The following ULK4 variants were observed in gnomAD, a reference collection of about 807,000 sequenced individuals.
ULK4 encodes unc-51 like kinase 4, also known as inactive serine/threonine-protein kinase ULK4.
Under a neutral mutation model 160.6 loss-of-function variants are expected in ULK4, and 133 were observed. That is an observed-to-expected ratio of 0.83 (90% CI 0.72 to 0.96). ULK4 has a LOEUF of 0.96. Among genes scored for constraint, ULK4 ranks in the 40% least tolerant of loss-of-function variants. The pLI is 0.00. For synonymous variants in ULK4, 534 were observed against 539.8 expected, an observed-to-expected ratio of 0.99 and a Z score of 0.15; for missense variants, 1,580 against 1,499.5, an observed-to-expected ratio of 1.05 and a Z score of -0.89.
At chr3:41,438,821 T>C (rs1293152817) in intron 34 of ULK4, among the ~76,000 whole-genome samples, 1 of 151,692 alleles carries the variant, frequency 6.6e-6, no homozygotes, top group Non-Finnish European at 1.5e-5. Flanking sequence ...CAGAATGAGA[T>C]CCCCGACTCA....
chr3:41,705,396 ATTG>A (rs2036841454), intron 25 of ULK4, 91 bp from the exon 26 acceptor site: 1 of 848,920 alleles, frequency 1.2e-6, no homozygotes, highest in East Asian at 2.7e-5. Flanking sequence ...AACTGTACCT[ATTG>A]TTTTTAATAA....
At chr3:41,896,740 A>C in intron 15 of ULK4, 82 bp downstream of exon 15, 1 of 1,440,124 alleles carries the variant, frequency 6.9e-7, no homozygotes, top group Admixed American at 2.3e-5. Flanking sequence ...GTGGTAGTTA[A>C]ATCAAATTGT....
intron 32 of ULK4, among the ~76,000 whole-genome samples, chr3:41,465,598 C>G (rs2083811054): frequency 6.6e-6 from 1 of 152,082 alleles, no homozygotes; most frequent in Non-Finnish European, 1.5e-5. Context: ...TTTTATGCCA[C>G]TTATTTGTTG....
At chr3:41,514,543 T>C (rs1207882294) in intron 32 of ULK4, among the ~76,000 whole-genome samples, 1 of 152,064 alleles carries the variant, frequency 6.6e-6, no homozygotes, top group African/African-American at 2.4e-5. Context: ...GGGTGTCCAT[T>C]AGTGAATAAA....
Position 41,291,829 on chromosome 3 carries a change from CTT to C in ULK4, c.3679-42257_3679-42256del, listed in dbSNP as rs57691333. Among the ~76,000 whole-genome samples, 15 of 133,386 alleles carry C rather than the reference CTT, an allele frequency of 1.1e-4. 1 individual carries two copies. Among genetic ancestry groups the C allele is most frequent in the Admixed American group, 3.0e-4 (4 of 13,450 alleles). 87.5% of individuals were successfully genotyped at this position (133,386 alleles called of 152,430 possible). A position where few individuals can be genotyped will look rare whatever the true frequency, so the allele number is the denominator to read the frequency against. On this transcript the variant is annotated intron_variant, in intron 35 of 36. Transcript: ENST00000301831. ...TCATCACGTGGTCACTTGTGATGTT[CTT>C]TTTTTTTTTTTTTTTCTGAGACGGA...
intron 21 of ULK4, among the ~76,000 whole-genome samples, chr3:41,771,134 T>C (rs1036257847): frequency 6.6e-6 from 1 of 152,198 alleles, no homozygotes; most frequent in African/African-American, 2.4e-5. Flanking sequence ...AAGTAGTAAG[T>C]TTCCCTACTC....
At chr3:41,380,008 T>G (rs758759202) in intron 35 of ULK4, among the ~76,000 whole-genome samples, 15 of 152,328 alleles carry the variant, frequency 9.8e-5, no homozygotes, top group Non-Finnish European at 2.1e-4. Context: ...TTGGCTGTCA[T>G]GTGCTCACAT....
intron 32 of ULK4, among the ~76,000 whole-genome samples, chr3:41,530,445 T>C (rs946346156): frequency 2.0e-5 from 3 of 152,202 alleles, no homozygotes; most frequent in Non-Finnish European, 4.4e-5. Context: ...TGGTATTGAC[T>C]ATGGACATTG....
chr3:41,642,879 C>T (rs1350698670), intron 30 of ULK4, among the ~76,000 whole-genome samples: 1 of 152,178 alleles, frequency 6.6e-6, no homozygotes, highest in Non-Finnish European at 1.5e-5. Flanking sequence ...TAATGATCGC[C>T]ATTCTAACTG....
At chr3:41,488,696 T>C (rs1055828072) in intron 32 of ULK4, among the ~76,000 whole-genome samples, 4 of 152,180 alleles carry the variant, frequency 2.6e-5, no homozygotes, top group Non-Finnish European at 4.4e-5. Flanking sequence ...TAACACCAAG[T>C]GAAACTCTTG....
intron 35 of ULK4, among the ~76,000 whole-genome samples, chr3:41,317,068 T>TTTTTTTTTG (rs2080158095): frequency 9.0e-6 from 1 of 111,526 alleles, no homozygotes; most frequent in Non-Finnish European, 1.7e-5. Flanking sequence ...CATCTATTTT[T>TTTTTTTTTG]TTTTTTTTTT....
At chr3:41,348,961 C>G (rs1305198231) in intron 35 of ULK4, among the ~76,000 whole-genome samples, 1 of 152,112 alleles carries the variant, frequency 6.6e-6, no homozygotes, top group Admixed American at 6.5e-5. Context: ...CCAAGAGACC[C>G]AAGGAACCAA....
intron 32 of ULK4, among the ~76,000 whole-genome samples, chr3:41,526,130 ACT>A (rs930319436): frequency 1.7e-4 from 25 of 150,780 alleles, no homozygotes; most frequent in Middle Eastern, 3.5e-3. Flanking sequence ...CTCTCATTGA[ACT>A]CTTTTTTTCT....
intron 30 of ULK4, among the ~76,000 whole-genome samples, chr3:41,619,096 T>G (rs1056573348): frequency 1.7e-4 from 26 of 152,098 alleles, no homozygotes; most frequent in Non-Finnish European, 5.9e-5. Context: ...TAAATATATA[T>G]GCACCCAATA....
intron 19 of ULK4, among the ~76,000 whole-genome samples, chr3:41,807,798 C>T (rs1041040330): frequency 1.3e-5 from 2 of 152,192 alleles, no homozygotes; most frequent in African/African-American, 4.8e-5. Flanking sequence ...GAGAACTCTT[C>T]CTTCCCATTC....
intron 3 of ULK4, 74 bp from the exon 4 acceptor site, chr3:41,936,014 GAC>G: frequency 6.4e-7 from 1 of 1,554,642 alleles, no homozygotes; most frequent in African/African-American, 1.4e-5. Flanking sequence ...GTTCCACGCT[GAC>G]AGATACGAAC....
intron 22 of ULK4, among the ~76,000 whole-genome samples, chr3:41,733,516 A>G (rs1318428354): frequency 6.6e-6 from 1 of 152,116 alleles, no homozygotes; most frequent in Non-Finnish European, 1.5e-5. Context: ...CCAGTACATT[A>G]TCTTATATAC....
At chr3:41,713,943 G>C (rs748255576) in intron 25 of ULK4, among the ~76,000 whole-genome samples, 11 of 152,066 alleles carry the variant, frequency 7.2e-5, no homozygotes, top group Non-Finnish European at 1.6e-4. Flanking sequence ...CAGGGAGAAA[G>C]AACACAAGAC....
chr3:41,894,111 C>T (rs899748505), intron 16 of ULK4, among the ~76,000 whole-genome samples: 6 of 152,132 alleles, frequency 3.9e-5, no homozygotes, highest in Non-Finnish European at 8.8e-5. Flanking sequence ...ATACTAAAAC[C>T]AATCTCCGGG....
Sources: allele counts gnomAD v4.1 joint callset (sites outside exome capture counted in the v4.1 genomes callset), GRCh38; gene constraint gnomAD v4.1.1; transcripts MANE v1.5; gene names NCBI Gene and HGNC (gene_info 2026-07-23, HGNC 2026-07-21).